Variants in WWOX observed in about 807,000 individuals in gnomAD.
WWOX encodes WW domain containing oxidoreductase.
WWOX carries 69 observed loss-of-function variants against 46.2 expected under a neutral mutation model. The observed-to-expected ratio is 1.49, with a 90% CI of 1.23 to 1.82. WWOX has a LOEUF of 1.82. Ranked by LOEUF, WWOX falls within the 40% of genes most tolerant of loss-of-function variation. The pLI is 0.00. For synonymous variants in WWOX, 359 were observed against 202.6 expected (o/e 1.77, Z -6.56); for missense variants, 919 against 542.6 (o/e 1.69, Z -6.89).
At chr16:78,410,005 G>A (rs1161361934) in intron 6 of WWOX, among the ~76,000 whole-genome samples, 3 of 152,196 alleles carry the variant, frequency 2.0e-5, no homozygotes, top group Non-Finnish European at 1.5e-5. Flanking sequence ...AGTGTTGGCG[G>A]TGGGTGTGCT....
intron 4 of WWOX, among the ~76,000 whole-genome samples, chr16:78,135,052 A>T (rs935465271): frequency 6.6e-6 from 1 of 152,194 alleles, no homozygotes; most frequent in Non-Finnish European, 1.5e-5. Flanking sequence ...TGCCATAACA[A>T]TGCAGTCCCT....
intron 8 of WWOX, among the ~76,000 whole-genome samples, chr16:78,952,270 A>T (rs2046076121): frequency 6.6e-6 from 1 of 152,096 alleles, no homozygotes; most frequent in Non-Finnish European, 1.5e-5. Flanking sequence ...TGTCTCTAGG[A>T]AGCCTTCCAT....
intron 8 of WWOX, among the ~76,000 whole-genome samples, chr16:79,032,681 TAC>T (rs796429190): frequency 4.3e-5 from 6 of 139,104 alleles, no homozygotes; most frequent in Admixed American, 4.3e-4. Context: ...TATATATATA[TAC>T]ACACACACAC....
intron 3 of WWOX, among the ~76,000 whole-genome samples, chr16:78,113,455 A>G (rs572682036): frequency 6.6e-6 from 1 of 152,342 alleles, no homozygotes; most frequent in South Asian, 2.1e-4. Flanking sequence ...GTTGTGTTCC[A>G]ATAAAACTTT....
chr16:78,393,059 A>C (rs563279502), intron 6 of WWOX, among the ~76,000 whole-genome samples: 1 of 152,064 alleles, frequency 6.6e-6, no homozygotes, highest in Non-Finnish European at 1.5e-5. Context: ...GTTCCACCCA[A>C]ACTGGCTTGT....
At chr16:78,675,727 A>G (rs918179970) in intron 8 of WWOX, among the ~76,000 whole-genome samples, 1 of 152,196 alleles carries the variant, frequency 6.6e-6, no homozygotes, top group Non-Finnish European at 1.5e-5. Context: ...ATAACCCTGC[A>G]CTTAGAGAGG....
At chr16:78,426,604 G>A (rs932102164) in intron 7 of WWOX, among the ~76,000 whole-genome samples, 1 of 152,142 alleles carries the variant, frequency 6.6e-6, no homozygotes, top group African/African-American at 2.4e-5. Flanking sequence ...GCTTGCTCCT[G>A]TGTGATGGCT....
intron 8 of WWOX, among the ~76,000 whole-genome samples, chr16:78,761,427 C>G (rs191051572): frequency 2.0e-5 from 3 of 152,118 alleles, no homozygotes; most frequent in Admixed American, 6.6e-5. Context: ...AGTGCCCTCT[C>G]GGTTCCCAGA....
intron 8 of WWOX, among the ~76,000 whole-genome samples, chr16:78,743,354 T>C (rs1204817006): frequency 6.6e-6 from 1 of 152,174 alleles, no homozygotes; most frequent in Non-Finnish European, 1.5e-5. Context: ...TCTTAACTCA[T>C]TGATTCTCAA....
At chr16:78,249,143 G>C (rs1035495975) in intron 5 of WWOX, among the ~76,000 whole-genome samples, 1 of 152,074 alleles carries the variant, frequency 6.6e-6, no homozygotes, top group African/African-American at 2.4e-5. Flanking sequence ...GTGAGCCACC[G>C]TGTCTGGCGT....
intron 3 of WWOX, among the ~76,000 whole-genome samples, chr16:78,111,021 A>T (rs973701473): frequency 2.1e-4 from 31 of 150,450 alleles, no homozygotes; most frequent in Non-Finnish European, 3.0e-4. Context: ...TTTTTTTTTT[A>T]AAGTTATGAA....
At chr16:78,808,818 T>C (rs1052322433) in intron 8 of WWOX, among the ~76,000 whole-genome samples, 4 of 152,152 alleles carry the variant, frequency 2.6e-5, no homozygotes, top group African/African-American at 7.2e-5. Flanking sequence ...TAAACTGCTA[T>C]TTTATGTCCA....
intron 4 of WWOX, among the ~76,000 whole-genome samples, chr16:78,138,376 G>A (rs1748098717): frequency 7.3e-6 from 1 of 137,412 alleles, no homozygotes; most frequent in South Asian, 2.3e-4. Flanking sequence ...GGAGAACTCA[G>A]TTGAGCAGTA....
At chr16:78,825,500 G>A in intron 8 of WWOX, 1 of 484,486 alleles carries the variant, frequency 2.1e-6, no homozygotes, top group Non-Finnish European at 4.1e-6. Context: ...CTGTAGTTCA[G>A]AAGAGATTTG....
intron 8 of WWOX, among the ~76,000 whole-genome samples, chr16:78,507,198 T>A (rs2085229966): frequency 6.6e-6 from 1 of 152,224 alleles, no homozygotes; most frequent in Non-Finnish European, 1.5e-5. Flanking sequence ...ATGAGTGATT[T>A]CTGTGTGCTG....
chr16:78,536,353 C>G (rs778184202), intron 8 of WWOX, among the ~76,000 whole-genome samples: 3 of 151,778 alleles, frequency 2.0e-5, no homozygotes, highest in Non-Finnish European at 4.4e-5. Context: ...GTGATCAGTT[C>G]CATGAGAAAG....
intron 8 of WWOX, among the ~76,000 whole-genome samples, chr16:79,013,238 A>T (rs550322582): frequency 6.6e-6 from 1 of 152,228 alleles, no homozygotes; most frequent in Admixed American, 6.5e-5. Flanking sequence ...GCATCCTCCC[A>T]CAGGGTCGAG....
chr16:79,027,279 C>CAAAA (rs57848394), intron 8 of WWOX, among the ~76,000 whole-genome samples: 16 of 125,506 alleles, frequency 1.3e-4, no homozygotes, highest in Admixed American at 3.2e-4. Flanking sequence ...GACTCCATCT[C>CAAAA]AAAAAAAAAA....
At chr16:79,138,096 A>G (rs2050018134) in intron 8 of WWOX, among the ~76,000 whole-genome samples, 2 of 152,162 alleles carry the variant, frequency 1.3e-5, no homozygotes, top group South Asian at 4.1e-4. Flanking sequence ...AAGCCCTGTG[A>G]TCCACAGCAG....
Sources: allele counts gnomAD v4.1 joint callset (sites outside exome capture counted in the v4.1 genomes callset), GRCh38; gene constraint gnomAD v4.1.1; transcripts MANE v1.5; gene names NCBI Gene and HGNC (gene_info 2026-07-23, HGNC 2026-07-21).